Variants in GART observed in about 807,000 individuals in gnomAD.
GART encodes trifunctional purine biosynthetic protein adenosine-3.
Under a neutral mutation model 107.2 loss-of-function variants are expected in GART, and 43 were observed. The ratio of observed to expected loss-of-function variants is 0.40; its 90% CI spans 0.31 to 0.52. The LOEUF (loss-of-function observed/expected upper bound fraction) is 0.52. Among genes scored for constraint, GART ranks in the 20% least tolerant of loss-of-function variants. The pLI is 0.52. For synonymous variants in GART, 434 were observed against 427.0 expected, an observed-to-expected ratio of 1.02 and a Z score of -0.20; for missense variants, 1,107 against 1,206.5, an observed-to-expected ratio of 0.92 and a Z score of 1.22.
At position 33,511,278 on chromosome 21, in the gene GART, A is replaced by G. The variant is rs1420678480; in HGVS notation, c.2288T>C (p.Ile763Thr). 2 of 1,614,178 alleles carry G rather than the reference A, an allele frequency of 1.2e-6. No homozygotes were observed. The highest frequency in any genetic ancestry group is 1.7e-5 in the Admixed American group (1 of 60,016). Reference sequence around the variant, plus strand: ...TTCAGCTCGTGCAACCACACTGCCAATCACCCAGGCTTCTTCCTTGTGCTG... The same window carrying G: ...TTCAGCTCGTGCAACCACACTGCCAGTCACCCAGGCTTCTTCCTTGTGCTG... ...IQQHKEEAWV[I>T]GSVVARAEGS... Residue 763 changes from isoleucine (I) to threonine (T), a missense_variant, in exon 17 of 22, where the codon ATT (isoleucine) becomes ACT (threonine). By Grantham distance (89) the Ile-to-Thr change is moderately conservative. Transcript: ENST00000381815.
intron 2 of GART, among the ~76,000 whole-genome samples, chr21:33,536,906 C>T (rs1383810747): frequency 6.6e-6 from 1 of 152,200 alleles, no homozygotes; most frequent in Non-Finnish European, 1.5e-5. Flanking sequence ...TTTTGGACTA[C>T]AGCTGACTGT....
chr21:33,505,542 T>A lies in GART; in HGVS notation c.2725+19A>T. The A allele has an allele frequency of 6.3e-7, 1 of 1,576,500 alleles. No individual in the cohort carries two copies. The highest frequency in any genetic ancestry group is 8.6e-7 in the Non-Finnish European group (1 of 1,162,892). On this transcript the variant is annotated intron_variant, in intron 20 of 21. Coordinates refer to ENST00000381815, the MANE Select transcript of GART (RefSeq NM_000819.5). ...TTTCAATTGATTTCCCAATGTGATG[T>A]CAAATAATTTTTGCTTACCATTCCA...
At chr21:33,531,646 A>G (rs1324943945) in intron 5 of GART, 89 bp from the exon 6 acceptor site, 4 of 1,179,600 alleles carry the variant, frequency 3.4e-6, no homozygotes, top group Non-Finnish European at 3.6e-6. Flanking sequence ...ATTATCCAGC[A>G]TTTGTATTAT....
intron 1 of GART, 36 bp from the exon 2 acceptor site, chr21:33,539,392 G>A: frequency 6.6e-7 from 1 of 1,508,126 alleles, no homozygotes; most frequent in Non-Finnish European, 8.9e-7. Context: ...ATCTTAGGAT[G>A]CACATTTTAG....
At chr21:33,531,787 A>G in intron 5 of GART, 1 of 458,690 alleles carries the variant, frequency 2.2e-6, no homozygotes. Context: ...CACCTCTAAT[A>G]TTCTCCTGAA....
At chr21:33,525,274 G>A (rs916030719) in intron 10 of GART, among the ~76,000 whole-genome samples, 19 of 152,186 alleles carry the variant, frequency 1.2e-4, no homozygotes, top group African/African-American at 3.6e-4. Flanking sequence ...GCACACACCA[G>A]CTGAGGTGGG....
chr21:33,530,482 C>T (rs2085164670), intron 7 of GART, among the ~76,000 whole-genome samples: 2 of 152,164 alleles, frequency 1.3e-5, no homozygotes, highest in Non-Finnish European at 2.9e-5. Flanking sequence ...ACGACAGGCT[C>T]CCATGTGTTA....
chr21:33,522,985 CTG>C (rs2085000194), intron 11 of GART, among the ~76,000 whole-genome samples: 1 of 152,222 alleles, frequency 6.6e-6, no homozygotes, highest in Non-Finnish European at 1.5e-5. Flanking sequence ...TAATATATAA[CTG>C]TATCTGTTTC....
In GART at chr21:33,520,498, T is replaced by C; in HGVS notation, c.1568A>G (p.Asp523Gly). The C allele has an allele frequency of 1.2e-6, 2 of 1,614,162 alleles. No individual in the cohort carries two copies. The highest frequency in any genetic ancestry group is 1.7e-6 in the Non-Finnish European group (2 of 1,180,026). ...GGGCTCTGCTCCTTGTGCCAGAATATCATTAACACACATTGCTACCAAATC... is the reference window on the plus strand; with the variant it reads ...GGGCTCTGCTCCTTGTGCCAGAATACCATTAACACACATTGCTACCAAATC... ...GQDLVAMCVNDILAQGAEPLF... is the reference protein window; with the variant it reads ...GQDLVAMCVNGILAQGAEPLF... The change falls in exon 14 of 22, where the codon GAT becomes GGT. Residue 523 changes from aspartate to glycine, a missense_variant. Physicochemically the swap from Asp to Gly is moderately conservative, Grantham distance 94. Coordinates refer to ENST00000381815, the MANE Select transcript of GART (RefSeq NM_000819.5).
At chr21:33,530,445 C>T (rs780321539) in intron 7 of GART, among the ~76,000 whole-genome samples, 5 of 152,144 alleles carry the variant, frequency 3.3e-5, no homozygotes, top group African/African-American at 7.2e-5. Context: ...TGCTGAACCA[C>T]GGATATCCAA....
chr21:33,508,070 T>C (rs546616204), intron 18 of GART, among the ~76,000 whole-genome samples: 7 of 152,140 alleles, frequency 4.6e-5, no homozygotes, highest in Non-Finnish European at 1.0e-4. Flanking sequence ...GATTAATAGA[T>C]TGTGAAAAGC....
At position 33,520,769 on chromosome 21, in the gene GART, G is replaced by T. The variant is rs532083274; in HGVS notation, c.1503+137C>A. On this transcript the variant is annotated intron_variant, in intron 13 of 21. Transcript: ENST00000381815. ...AATAATTTGTTATTAGAAATGTGCA[G>T]ATATTTTAGCCATTTTACATGGTTA... 3.3e-5 allele frequency: 24 copies of T among 736,700 alleles called. No homozygotes were observed. The Admixed American group carries it at 6.4e-4, about 20-fold the overall frequency. 45.6% of individuals were successfully genotyped at this position (736,700 alleles called of 1,614,324 possible).
At chr21:33,516,870 C>A in intron 16 of GART, 119 bp downstream of exon 16, 1 of 851,434 alleles carries the variant, frequency 1.2e-6, no homozygotes, top group South Asian at 2.0e-5. Flanking sequence ...CCAAAACCCC[C>A]AATGATTAAG....
At chr21:33,540,304 A>G (rs866465721) in intron 1 of GART, among the ~76,000 whole-genome samples, 2 of 152,232 alleles carry the variant, frequency 1.3e-5, no homozygotes, top group Admixed American at 6.5e-5. Flanking sequence ...GTAACAAATA[A>G]ACGTGACTCG....
Position 33,535,327 on chromosome 21 carries a change from ACAG to A in GART, c.146-10_146-8del. 4 of 1,358,116 alleles carry A rather than the reference ACAG, an allele frequency of 2.9e-6. No homozygotes were observed. Among genetic ancestry groups the A allele is most frequent in the South Asian group, 1.4e-5 (1 of 73,400 alleles). 84.1% of individuals were successfully genotyped at this position (1,358,116 alleles called of 1,614,324 possible). On this transcript the variant is annotated splice_region_variant and splice_polypyrimidine_tract_variant and intron_variant, in intron 2 of 21. Transcript: ENST00000381815. ...TGGTCACTGATTGAGATGGCTGTAA[ACAG>A]AAAAAAAAAAAAAAAAACCACTGCA...
Position 33,535,230 on chromosome 21 carries a change from G to A in GART, c.236C>T (p.Ala79Val). The change falls in exon 3 of 22, where the codon GCT becomes GTT. Residue 79 changes from alanine to valine, a missense_variant. Physicochemically the swap from Ala to Val is moderately conservative, Grantham distance 64 (BLOSUM62 0). Coordinates refer to ENST00000381815, the MANE Select transcript of GART (RefSeq NM_000819.5). The part of the protein sequence containing the change: ...FVVVGPEAPL[A>V]AGIVGNLRSA... ...TAAACAGAAACAAACTTTACCAGCA[G>A]CCAGAGGTGCTTCTGGTCCAACAAC... 4 of 1,566,884 alleles carry A rather than the reference G, an allele frequency of 2.6e-6. No homozygotes were observed. In the South Asian group the frequency reaches 3.5e-5, roughly 14 times the overall value.
intron 7 of GART, among the ~76,000 whole-genome samples, chr21:33,530,052 C>T (rs937073118): frequency 1.3e-5 from 2 of 151,984 alleles, no homozygotes; most frequent in South Asian, 4.2e-4. Context: ...ATTAGCCTGG[C>T]GTGGTGGCCT....
intron 18 of GART, 103 bp downstream of exon 18, chr21:33,509,680 G>T: frequency 8.3e-7 from 1 of 1,205,592 alleles, no homozygotes; most frequent in Non-Finnish European, 1.2e-6. Context: ...ATTCCCCCCA[G>T]TCCCTAGACT....
chr21:33,527,901 G>C (rs1373096946), intron 10 of GART, among the ~76,000 whole-genome samples: 2 of 152,138 alleles, frequency 1.3e-5, no homozygotes, highest in Admixed American at 6.5e-5. Context: ...GGTGGAAGTG[G>C]AAGGCTGCAC....
Sources: gnomAD v4.1 joint callset for allele counts (sites outside exome capture counted in the v4.1 genomes callset) on GRCh38, gnomAD v4.1.1 for gene constraint, MANE v1.5 for transcripts, NCBI Gene and HGNC (gene_info 2026-07-23, HGNC 2026-07-21) for gene names.